Variants in ADCY1 observed in about 807,000 individuals in gnomAD.
ADCY1 encodes adenylate cyclase 1.
Under a neutral mutation model 105.4 loss-of-function variants are expected in ADCY1, and 28 were observed. The observed-to-expected ratio is 0.27, with a 90% CI of 0.20 to 0.36. ADCY1 has a LOEUF of 0.36. Ranked by LOEUF, ADCY1 falls within the 10% of genes least tolerant of loss-of-function variation. The pLI is 1.00. For synonymous variants in ADCY1, 655 were observed against 623.8 expected (o/e 1.05, Z -0.75); for missense variants, 977 against 1,434.2 (o/e 0.68, Z 5.15).
intron 5 of ADCY1, among the ~76,000 whole-genome samples, chr7:45,649,791 C>T (rs1020868458): frequency 3.3e-5 from 5 of 152,194 alleles, no homozygotes; most frequent in African/African-American, 7.2e-5. Context: ...TGTGGGGCAG[C>T]GGTTCACCAA....
At chr7:45,582,324 C>A (rs1485034883) in intron 1 of ADCY1, among the ~76,000 whole-genome samples, 1 of 152,154 alleles carries the variant, frequency 6.6e-6, no homozygotes, top group Non-Finnish European at 1.5e-5. Flanking sequence ...AGTTCCTGCA[C>A]CTCCAGCTCC....
At chr7:45,582,234 G>A (rs747649265) in intron 1 of ADCY1, among the ~76,000 whole-genome samples, 1 of 152,216 alleles carries the variant, frequency 6.6e-6, no homozygotes, top group Non-Finnish European at 1.5e-5. Context: ...TTGAGTAGAT[G>A]TGCCATCCTG....
chr7:45,648,915 A>C, intron 5 of ADCY1, 118 bp downstream of exon 5: 1 of 1,284,776 alleles, frequency 7.8e-7, no homozygotes, highest in Admixed American at 2.4e-5. Context: ...CTTTGTCCTG[A>C]TGGGTCTGTC....
chr7:45,600,174 C>G (rs1793190681), intron 2 of ADCY1, among the ~76,000 whole-genome samples: 1 of 152,244 alleles, frequency 6.6e-6, no homozygotes, highest in South Asian at 2.1e-4. Context: ...ATCTGGTGGT[C>G]TATGAGGGAG....
chr7:45,623,097 C>T (rs1236428065), intron 4 of ADCY1, among the ~76,000 whole-genome samples: 6 of 152,224 alleles, frequency 3.9e-5, no homozygotes, highest in Non-Finnish European at 8.8e-5. Context: ...GCTGGTGTTG[C>T]AATCCCTCGT....
At chr7:45,679,835 T>C (rs1784523326) in intron 11 of ADCY1, 42 bp downstream of exon 11, 1 of 1,603,764 alleles carries the variant, frequency 6.2e-7, no homozygotes, top group Admixed American at 1.7e-5. Context: ...TATCACCTGG[T>C]TCATGTATGT....
At chr7:45,695,580 C>G (rs1784864494) in intron 14 of ADCY1, among the ~76,000 whole-genome samples, 1 of 152,216 alleles carries the variant, frequency 6.6e-6, no homozygotes, top group Non-Finnish European at 1.5e-5. Flanking sequence ...GTGCTTCTCC[C>G]TCCACAGCAG....
intron 11 of ADCY1, among the ~76,000 whole-genome samples, chr7:45,681,168 TA>T (rs1368738150): frequency 6.6e-6 from 1 of 152,254 alleles, no homozygotes; most frequent in Non-Finnish European, 1.5e-5. Flanking sequence ...CTCTCGGTTC[TA>T]AAAAACACAT....
chr7:45,709,453 G>A (rs1207617501), intron 18 of ADCY1, among the ~76,000 whole-genome samples: 9 of 152,222 alleles, frequency 5.9e-5, no homozygotes, highest in African/African-American at 1.9e-4. Context: ...TGTTCTTTAT[G>A]TGGGTGGGGA....
chr7:45,671,869 C>T (rs1452352051), intron 8 of ADCY1, among the ~76,000 whole-genome samples: 2 of 152,086 alleles, frequency 1.3e-5, no homozygotes, highest in African/African-American at 4.8e-5. Context: ...ATTATTTCCT[C>T]CCAGTCCATA....
chr7:45,712,568 G>T (rs1422250526), intron 19 of ADCY1, among the ~76,000 whole-genome samples: 1 of 152,026 alleles, frequency 6.6e-6, no homozygotes, highest in Non-Finnish European at 1.5e-5. Flanking sequence ...TCCCTCCCCT[G>T]CTTGGGCTTC....
At chr7:45,668,133 C>T (rs962439392) in intron 8 of ADCY1, among the ~76,000 whole-genome samples, 9 of 152,174 alleles carry the variant, frequency 5.9e-5, no homozygotes, top group African/African-American at 1.9e-4. Context: ...CTTCTCCTGC[C>T]TGATTGCCCT....
intron 12 of ADCY1, 75 bp from the exon 13 acceptor site, chr7:45,685,887 G>A: frequency 2.0e-6 from 3 of 1,520,080 alleles, no homozygotes; most frequent in Non-Finnish European, 2.6e-6. Context: ...CTTGAAGAGG[G>A]ACACCTGAGC....
chr7:45,666,227 C>A (rs1283971320), intron 8 of ADCY1, among the ~76,000 whole-genome samples: 4 of 152,046 alleles, frequency 2.6e-5, no homozygotes, highest in Non-Finnish European at 4.4e-5. Context: ...TGTTGGTGTG[C>A]TGCACCCATT....
At chr7:45,685,272 G>A (rs1478051246) in intron 12 of ADCY1, among the ~76,000 whole-genome samples, 2 of 152,236 alleles carry the variant, frequency 1.3e-5, no homozygotes, top group Non-Finnish European at 2.9e-5. Flanking sequence ...AAGGAGCCTG[G>A]CTTCTTCATA....
At chr7:45,657,497 C>T (rs1314732263) in intron 5 of ADCY1, among the ~76,000 whole-genome samples, 1 of 152,228 alleles carries the variant, frequency 6.6e-6, no homozygotes, top group Non-Finnish European at 1.5e-5. Context: ...TGCGAGCTGG[C>T]TGGGAGCATG....
intron 1 of ADCY1, among the ~76,000 whole-genome samples, chr7:45,578,246 C>T (rs546935477): frequency 6.6e-6 from 1 of 152,256 alleles, no homozygotes; most frequent in African/African-American, 2.4e-5. Context: ...GCTGATGTCC[C>T]TGAGCAGAGA....
rs537196976 is a variant in ADCY1 at position 45,600,696 on chromosome 7, G to A, written c.789+7788G>A. Among the ~76,000 whole-genome samples the A allele has an allele frequency of 7.9e-5, 12 of 152,344 alleles. 1 individual carries two copies. The highest frequency in any genetic ancestry group is 2.2e-4 in the African/African-American group (9 of 41,572). On this transcript the variant is annotated intron_variant, in intron 2 of 19. Transcript: ENST00000297323. Reference sequence around the variant, plus strand: ...GTATTTCCTCACAGTTCTGGAGGCTGCAGAGTCCAAGATCAAGGTGTTGTC... The same window carrying A: ...GTATTTCCTCACAGTTCTGGAGGCTACAGAGTCCAAGATCAAGGTGTTGTC...
intron 16 of ADCY1, 71 bp from the exon 17 acceptor site, chr7:45,704,445 CTG>C: frequency 7.3e-7 from 1 of 1,366,230 alleles, no homozygotes; most frequent in Non-Finnish European, 1.0e-6. Context: ...GCTGTTGCTC[CTG>C]GGGGCTGACG....
Sources: allele counts gnomAD v4.1 joint callset (sites outside exome capture counted in the v4.1 genomes callset), GRCh38; gene constraint gnomAD v4.1.1; transcripts MANE v1.5; gene names NCBI Gene and HGNC (gene_info 2026-07-23, HGNC 2026-07-21).